Variants in EPB41L3 observed in about 807,000 individuals in gnomAD.
EPB41L3 encodes band 4.1-like protein 3.
In EPB41L3, 57 loss-of-function variants were observed where a neutral mutation model predicts 127.1. That is an observed-to-expected ratio of 0.45 (90% confidence interval 0.36 to 0.56). The LOEUF (loss-of-function observed/expected upper bound fraction) is 0.56, where lower values mean the gene tolerates loss of function less well. Among genes scored for constraint, EPB41L3 ranks in the 20% least tolerant of loss-of-function variants. The pLI, the probability that EPB41L3 is intolerant of heterozygous loss-of-function variation, is 0.00. For missense variants in EPB41L3, 1,273 were observed against 1,372.2 expected (o/e 0.93, Z 1.14); for synonymous variants, 572 against 549.5 (o/e 1.04, Z -0.57).
upstream of EPB41L3, among the ~76,000 whole-genome samples, chr18:5,545,639 T>C (rs556716216): frequency 6.6e-5 from 10 of 152,306 alleles, no homozygotes; most frequent in African/African-American, 1.9e-4. Context: ...ACTAATCTTA[T>C]GGCTCTGCAA....
At chr18:5,448,283 C>T (rs2081815840) in intron 3 of EPB41L3, among the ~76,000 whole-genome samples, 1 of 152,184 alleles carries the variant, frequency 6.6e-6, no homozygotes, top group Admixed American at 6.5e-5. Context: ...GGAGGTGGGA[C>T]ATGACATGAA....
At chr18:5,516,691 C>T (rs1443808768) in intron 1 of EPB41L3, among the ~76,000 whole-genome samples, 1 of 152,120 alleles carries the variant, frequency 6.6e-6, no homozygotes, top group African/African-American at 2.4e-5. Flanking sequence ...ATTAACAAGA[C>T]AGACTTGGTT....
chr18:5,514,131 C>T (rs942733261), intron 1 of EPB41L3, among the ~76,000 whole-genome samples: 4 of 152,178 alleles, frequency 2.6e-5, no homozygotes, highest in African/African-American at 9.7e-5. Flanking sequence ...TGACATCAAC[C>T]CTTATGCAGT....
chr18:5,406,448 G>A (rs1433280702), intron 16 of EPB41L3, among the ~76,000 whole-genome samples: 7 of 152,118 alleles, frequency 4.6e-5, no homozygotes, highest in Non-Finnish European at 1.0e-4. Flanking sequence ...GAAAGCATAT[G>A]CGGAAAAAGT....
chr18:5,561,064 G>A (rs1295662296), intron 3 of EPB41L3, among the ~76,000 whole-genome samples: 3 of 146,956 alleles, frequency 2.0e-5, no homozygotes, highest in Non-Finnish European at 3.0e-5. Context: ...TGCAAGCTCC[G>A]CCTCCCAGGT....
At chr18:5,609,060 CA>C in intron 3 of EPB41L3, among the ~76,000 whole-genome samples, 1 of 152,142 alleles carries the variant, frequency 6.6e-6, no homozygotes, top group Middle Eastern at 3.2e-3. Context: ...TCAGAAATAA[CA>C]GATTGCAACA....
Position 5,543,830 on chromosome 18 carries a change from C to T in EPB41L3, c.-12+83G>A. The T allele has an allele frequency of 1.0e-6, 1 of 969,274 alleles. No homozygotes were observed. The highest frequency in any genetic ancestry group is 1.2e-6 in the Non-Finnish European group (1 of 815,460). 60.0% of individuals were successfully genotyped at this position (969,274 alleles called of 1,614,324 possible). On this transcript the variant is annotated intron_variant, in intron 1 of 22. Transcript: ENST00000341928. The surrounding 1 kb of genome is among the most constrained non-coding windows in gnomAD (Gnocchi z 5.2). ...CAGCCCCACTGTCCCGCGCGCCTCG[C>T]CCCAGGCCTCGGGCTCTTCCTCCGC...
At chr18:5,490,332 T>C (rs1414452894) in intron 1 of EPB41L3, among the ~76,000 whole-genome samples, 3 of 152,216 alleles carry the variant, frequency 2.0e-5, no homozygotes, top group Admixed American at 2.0e-4. Context: ...TGTAGTGCTT[T>C]AGGCAAATTA....
intron 1 of EPB41L3, among the ~76,000 whole-genome samples, chr18:5,615,768 A>G (rs2094787502): frequency 6.6e-6 from 1 of 152,192 alleles, no homozygotes; most frequent in African/African-American, 2.4e-5. Flanking sequence ...ACTGTGATCT[A>G]TATGCATACA....
chr18:5,589,621 A>G (rs980443780), intron 3 of EPB41L3, among the ~76,000 whole-genome samples: 2 of 152,206 alleles, frequency 1.3e-5, no homozygotes, highest in Admixed American at 6.5e-5. Flanking sequence ...CATTGTTTAT[A>G]TATACCCCAG....
intron 1 of EPB41L3, among the ~76,000 whole-genome samples, chr18:5,490,354 T>C (rs1485157273): frequency 6.6e-6 from 1 of 152,228 alleles, no homozygotes; most frequent in African/African-American, 2.4e-5. Context: ...ATAATTGGTA[T>C]AATATAGAAT....
At chr18:5,428,895 G>A (rs1274058563) in intron 8 of EPB41L3, among the ~76,000 whole-genome samples, 1 of 152,202 alleles carries the variant, frequency 6.6e-6, no homozygotes, top group African/African-American at 2.4e-5. Context: ...TAGGTACAGA[G>A]TTCCAGCTGA....
At chr18:5,479,286 C>G (rs1362771509) in intron 2 of EPB41L3, among the ~76,000 whole-genome samples, 1 of 152,216 alleles carries the variant, frequency 6.6e-6, no homozygotes, top group Non-Finnish European at 1.5e-5. Flanking sequence ...TGCGCCACCA[C>G]TGCCACTAGT....
chr18:5,624,028 T>G lies in EPB41L3; in HGVS notation c.-468+4894A>C, dbSNP rs1036002263. On this transcript the variant is annotated intron_variant, in intron 1 of 21. Coordinates refer to the EPB41L3 transcript ENST00000545076. ...AATAAACTTTTTTTTTAAGAAAGGGTCTTGCTCTGTCACCCAGGCTGGAGT... is the reference window on the plus strand; with the variant it reads ...AATAAACTTTTTTTTTAAGAAAGGGGCTTGCTCTGTCACCCAGGCTGGAGT... Among the ~76,000 whole-genome samples the G allele has an allele frequency of 2.0e-5, 3 of 151,900 alleles. No individual in the cohort carries two copies. The East Asian group carries it at 5.8e-4, about 29-fold the overall frequency.
chr18:5,406,769 C>G lies in EPB41L3; in HGVS notation c.2349+8G>C, dbSNP rs1269655120. 6.2e-7 allele frequency: 1 copy of G among 1,612,098 alleles called. No individual in the cohort carries two copies. Among genetic ancestry groups the G allele is most frequent in the South Asian group, 1.1e-5 (1 of 90,962 alleles). ...AATACGAGTCTGACCACAAACCTGA[C>G]TACTGACCTCTTCAGGGACAAGTGG... On this transcript the variant is annotated splice_region_variant and intron_variant, in intron 16 of 22. Transcript: ENST00000341928.
At chr18:5,473,375 G>A (rs187561058) in intron 3 of EPB41L3, among the ~76,000 whole-genome samples, 53 of 152,054 alleles carry the variant, frequency 3.5e-4, no homozygotes, top group Non-Finnish European at 2.4e-4. Context: ...CACCAACAGG[G>A]CTTTTTGGGG....
intron 3 of EPB41L3, among the ~76,000 whole-genome samples, chr18:5,570,539 C>T (rs1172319821): frequency 1.3e-5 from 2 of 152,078 alleles, no homozygotes; most frequent in Non-Finnish European, 2.9e-5. Context: ...AACTGGCTCA[C>T]CAGCTTCTAG....
intron 1 of EPB41L3, among the ~76,000 whole-genome samples, chr18:5,531,961 A>T (rs2093426655): frequency 6.6e-6 from 1 of 152,134 alleles, no homozygotes; most frequent in African/African-American, 2.4e-5. Context: ...AAGGTACAAG[A>T]AAAAAGAGTG....
At chr18:5,590,776 C>CA (rs2094478435) in intron 3 of EPB41L3, among the ~76,000 whole-genome samples, 1 of 152,152 alleles carries the variant, frequency 6.6e-6, no homozygotes, top group Non-Finnish European at 1.5e-5. Context: ...CTCAAAGGTG[C>CA]TACCTGAATG....
Sources: gnomAD v4.1 joint callset for allele counts (sites outside exome capture counted in the v4.1 genomes callset) on GRCh38, gnomAD v4.1.1 for gene constraint, Gnocchi (gnomAD v3.1) non-coding constraint, MANE v1.5 for transcripts, NCBI Gene and HGNC (gene_info 2026-07-23, HGNC 2026-07-21) for gene names.